CDH7: variants seen among roughly 807,000 people sequenced by gnomAD.
The protein encoded by CDH7 is cadherin 7.
CDH7 carries 25 observed loss-of-function variants against 71.8 expected under a neutral mutation model. The observed-to-expected ratio is 0.35, with a 90% CI of 0.25 to 0.49. The LOEUF is 0.49. Among genes scored for constraint, CDH7 ranks in the 20% least tolerant of loss-of-function variants. The pLI is 0.99. For missense variants in CDH7, 862 were observed against 974.6 expected (o/e 0.88, Z 1.54); for synonymous variants, 381 against 363.8 (o/e 1.05, Z -0.54).
intron 11 of CDH7, among the ~76,000 whole-genome samples, chr18:65,874,709 A>G (rs1037309354): frequency 3.3e-5 from 5 of 151,726 alleles, no homozygotes; most frequent in African/African-American, 1.2e-4. Flanking sequence ...TTATATGTAT[A>G]TACTTATATA....
chr18:65,781,826 CTTTCTTTCTTTCTTTCT>C (rs1910229069), intron 2 of CDH7, among the ~76,000 whole-genome samples: 1 of 77,426 alleles, frequency 1.3e-5, no homozygotes, highest in African/African-American at 1.0e-4. Flanking sequence ...TTCCTTCTTT[CTTTCTTTCTTTCTTTCT>C]TTCTTTCTTT....
rs61741837 is a variant in CDH7, at chr18:65,809,757, C to A, written c.264C>A (p.Gly88=). Reference sequence around the variant, plus strand: ...GTTCCATCAAATACATCTTGTCAGGCGAAGGGGCAAGTTCCATTTTCATTA... The same window carrying A: ...GTTCCATCAAATACATCTTGTCAGGAGAAGGGGCAAGTTCCATTTTCATTA... ...GDGSIKYILS[G]EGASSIFIID... is the part of the protein sequence containing the mutation. The change falls in exon 3 of 12, where the codon GGC becomes GGA. Residue 88 remains glycine, a synonymous_variant. Transcript: ENST00000397968. 1.2e-6 allele frequency: 2 copies of A among 1,613,750 alleles called. No homozygotes were observed. The highest frequency in any genetic ancestry group is 1.3e-5 in the African/African-American group (1 of 74,840).
At chr18:65,820,746 T>C (rs1911893316) in intron 4 of CDH7, among the ~76,000 whole-genome samples, 1 of 152,122 alleles carries the variant, frequency 6.6e-6, no homozygotes, top group South Asian at 2.1e-4. Context: ...GAAAAATAAG[T>C]GAGAAACTTT....
intron 11 of CDH7, among the ~76,000 whole-genome samples, chr18:65,874,354 T>C (rs1008995410): frequency 1.3e-5 from 2 of 152,352 alleles, no homozygotes; most frequent in African/African-American, 4.8e-5. Flanking sequence ...GGATACCAGA[T>C]TCAACATTTT....
In CDH7 at chr18:65,887,970, C is replaced by CT. The variant is rs1295566459; in HGVS notation, c.*7078dup. 2 of 152,116 alleles carry CT rather than the reference C, an allele frequency of 1.3e-5. No homozygotes were observed. Among genetic ancestry groups the CT allele is most frequent in the African/African-American group, 4.8e-5 (2 of 41,428 alleles). The allele number at this position is 152,116 out of a possible 1,614,324, so 9.4% of individuals were successfully genotyped here. ...AATATTTTTGCTTATGTAAGAGTCA[C>CT]TTCTATAGTAAAAGAGCCTTAAAAA... is the stretch of plus-strand genomic sequence containing the variant. On this transcript the variant is annotated 3_prime_UTR_variant, in exon 12 of 12. Coordinates refer to ENST00000397968, the MANE Select transcript of CDH7 (RefSeq NM_004361.5).
intron 2 of CDH7, among the ~76,000 whole-genome samples, chr18:65,775,940 A>G (rs994969683): frequency 1.3e-5 from 2 of 152,164 alleles, no homozygotes; most frequent in Non-Finnish European, 1.5e-5. Flanking sequence ...TTTGAATCAG[A>G]TAACTCCTGC....
chr18:65,794,385 G>A (rs1470678920), intron 2 of CDH7, among the ~76,000 whole-genome samples: 1 of 152,062 alleles, frequency 6.6e-6, no homozygotes, highest in African/African-American at 2.4e-5. Flanking sequence ...TTGAGTAGGT[G>A]ACCTTTTAAA....
intron 11 of CDH7, among the ~76,000 whole-genome samples, chr18:65,880,075 C>A (rs1484959672): frequency 6.6e-6 from 1 of 152,156 alleles, no homozygotes; most frequent in Admixed American, 6.5e-5. Context: ...CTTTGTGTTT[C>A]CTGGCTTTGA....
In CDH7 at chr18:65,844,015, C is replaced by A. The variant is rs949487050; in HGVS notation, c.1185C>A (p.Ile395=). The A allele has an allele frequency of 2.5e-6, 4 of 1,612,938 alleles. No homozygotes were observed. Among genetic ancestry groups the A allele is most frequent in the Non-Finnish European group, 3.4e-6 (4 of 1,179,382 alleles). ...CGGAAGCTACCCAGGTTGGGAATAT[C>A]ATTGGCACTGTAGCAGCTCATGACC... ...EVSEATQVGN[I]IGTVAAHDPD... The change falls in exon 7 of 12, where the codon ATC becomes ATA. Residue 395 remains isoleucine (I), a synonymous_variant. Transcript: ENST00000397968.
intron 2 of CDH7, among the ~76,000 whole-genome samples, chr18:65,793,149 A>G (rs1005496769): frequency 6.6e-6 from 1 of 152,074 alleles, no homozygotes; most frequent in African/African-American, 2.4e-5. Flanking sequence ...AATCTAAAAA[A>G]CATTCTGAGG....
chr18:65,800,583 C>A (rs1911086155), intron 2 of CDH7, among the ~76,000 whole-genome samples: 2 of 152,058 alleles, frequency 1.3e-5, no homozygotes, highest in African/African-American at 4.8e-5. Flanking sequence ...AACCAACATC[C>A]CACTTGATGT....
chr18:65,812,849 T>C (rs1911591954), intron 3 of CDH7, among the ~76,000 whole-genome samples: 1 of 152,240 alleles, frequency 6.6e-6, no homozygotes, highest in Non-Finnish European at 1.5e-5. Flanking sequence ...TGGAAAATAA[T>C]GCTTAGGCAT....
intron 6 of CDH7, among the ~76,000 whole-genome samples, chr18:65,832,996 T>C (rs1912405993): frequency 6.6e-6 from 1 of 152,188 alleles, no homozygotes; most frequent in Non-Finnish European, 1.5e-5. Flanking sequence ...GTATCTGACA[T>C]GTGATTTATT....
At chr18:65,808,004 C>G (rs1911387695) in intron 2 of CDH7, among the ~76,000 whole-genome samples, 3 of 152,180 alleles carry the variant, frequency 2.0e-5, no homozygotes, top group Non-Finnish European at 4.4e-5. Flanking sequence ...TTAGACCAGC[C>G]TGCCAGCTTT....
intron 2 of CDH7, among the ~76,000 whole-genome samples, chr18:65,787,707 C>T (rs1196481812): frequency 6.6e-6 from 1 of 152,154 alleles, no homozygotes; most frequent in African/African-American, 2.4e-5. Context: ...GCTCTTCTCT[C>T]GGGTGAGAGA....
chr18:65,829,118 G>GTTTTGTTTTGTTTTTGT (rs6146352), intron 6 of CDH7, among the ~76,000 whole-genome samples: 108,328 of 149,938 alleles, frequency 0.72, 39,081 homozygotes, highest in East Asian at 0.98. Flanking sequence ...TGTCATTTTT[G>GTTTTGTTTTGTTTTTGT]TTTTGTTTTG....
chr18:65,836,275 A>G (rs562717413), intron 6 of CDH7, among the ~76,000 whole-genome samples: 1 of 152,282 alleles, frequency 6.6e-6, no homozygotes, highest in Admixed American at 6.5e-5. Context: ...GAACATTTCT[A>G]TGGGGGCGAA....
intron 7 of CDH7, among the ~76,000 whole-genome samples, chr18:65,853,906 CATATATATATATATATATATATATATAT>C (rs4047846): frequency 0.2 from 6,960 of 34,354 alleles, 428 homozygotes; most frequent in Admixed American, 0.26. Context: ...CATAAATTAC[CATATATATATATATATATATATATATAT>C]ATATATATAT....
chr18:65,827,741 C>G (rs1254823653), intron 6 of CDH7, among the ~76,000 whole-genome samples: 3 of 151,768 alleles, frequency 2.0e-5, no homozygotes, highest in Non-Finnish European at 4.4e-5. Context: ...CCATTAGATT[C>G]TAAAAGTAAA....
Sources: allele counts gnomAD v4.1 joint callset (sites outside exome capture counted in the v4.1 genomes callset), GRCh38; gene constraint gnomAD v4.1.1; transcripts MANE v1.5; gene names NCBI Gene and HGNC (gene_info 2026-07-23, HGNC 2026-07-21).